The following GLRA1 variants were observed in gnomAD, a reference collection of about 807,000 sequenced individuals.
The protein encoded by GLRA1 is glycine receptor subunit alpha-1.
GLRA1 carries 37 observed loss-of-function variants against 48.3 expected under a neutral mutation model. That is an observed-to-expected ratio of 0.77 (90% confidence interval 0.59 to 1.01). The LOEUF is 1.01. Ranked by LOEUF, GLRA1 falls within the 50% of genes least tolerant of loss-of-function variation. The pLI, the probability that GLRA1 is intolerant of heterozygous loss-of-function variation, is 0.00. For synonymous variants in GLRA1, 196 were observed against 210.7 expected, an observed-to-expected ratio of 0.93 and a Z score of 0.60; for missense variants, 427 against 571.0, an observed-to-expected ratio of 0.75 and a Z score of 2.57.
Position 151,851,399 on chromosome 5 carries a change from A to C in GLRA1, c.903T>G (p.Ser301=), listed in dbSNP as rs761128346. 1 of 1,611,958 alleles carries C rather than the reference A, an allele frequency of 6.2e-7. No homozygotes were observed. Among genetic ancestry groups the C allele is most frequent in the South Asian group, 1.1e-5 (1 of 91,008 alleles). ...MTTQSSGSRA[S]LPKVSYVKAI... is the part of the protein sequence containing the mutation. Reference sequence around the variant, plus strand: ...GGGCAATGGGACTTACCTTGGGCAGAGATGCTCGAGAGCCGGAGCTCTGGG... The same window carrying C: ...GGGCAATGGGACTTACCTTGGGCAGCGATGCTCGAGAGCCGGAGCTCTGGG... Residue 301 remains serine, a synonymous_variant, in exon 7 of 9, where the codon TCT becomes TCG. Transcript: ENST00000274576.
At chr5:151,868,933 C>T (rs1753406554) in intron 3 of GLRA1, among the ~76,000 whole-genome samples, 1 of 152,116 alleles carries the variant, frequency 6.6e-6, no homozygotes, top group Non-Finnish European at 1.5e-5. Flanking sequence ...AGATATCACA[C>T]AATCAGAGCT....
intron 3 of GLRA1, among the ~76,000 whole-genome samples, chr5:151,879,971 C>T (rs1753722789): frequency 6.6e-6 from 1 of 152,124 alleles, no homozygotes; most frequent in Non-Finnish European, 1.5e-5. Flanking sequence ...GAGTAAGTCT[C>T]ACAAGATCTG....
At chr5:151,823,026 A>G in intron 8 of GLRA1, 63 bp from the exon 9 acceptor site, 1 of 1,436,894 alleles carries the variant, frequency 7.0e-7, no homozygotes, top group Non-Finnish European at 9.4e-7. Flanking sequence ...CCCTCCCTGC[A>G]AGGCACTCCC....
In GLRA1 at chr5:151,822,805, T is replaced by G; in HGVS notation, c.1218A>C (p.Lys406Asn). 1 of 1,613,526 alleles carries G rather than the reference T, an allele frequency of 6.2e-7. No homozygotes were observed. Among genetic ancestry groups the G allele is most frequent in the Non-Finnish European group, 8.5e-7 (1 of 1,179,848 alleles). ...APSKSPEEMR[K>N]LFIQRAKKID... ...TCTTCTTGGCCCTCTGGATGAAGAG[T>G]TTTCGCATCTCCTCTGGGGACTTAG... is the stretch of plus-strand genomic sequence containing the variant. Residue 406 changes from lysine to asparagine, a missense_variant, in exon 9 of 9, where the codon AAA (lysine) becomes AAC (asparagine). Coordinates refer to ENST00000274576, the MANE Select transcript of GLRA1 (RefSeq NM_000171.4).
intron 3 of GLRA1, among the ~76,000 whole-genome samples, chr5:151,862,219 G>A (rs1753225669): frequency 6.6e-6 from 1 of 152,120 alleles, no homozygotes; most frequent in Non-Finnish European, 1.5e-5. Context: ...GGGAAAACTG[G>A]CTAGCCATAT....
chr5:151,910,937 G>A (rs1754594343), intron 1 of GLRA1, among the ~76,000 whole-genome samples: 1 of 152,184 alleles, frequency 6.6e-6, no homozygotes, highest in Non-Finnish European at 1.5e-5. Context: ...GTTCCTCAAT[G>A]TATCTATCCC....
At chr5:151,870,064 CAT>C (rs1473407264) in intron 3 of GLRA1, among the ~76,000 whole-genome samples, 4 of 149,318 alleles carry the variant, frequency 2.7e-5, no homozygotes, top group Admixed American at 6.6e-5. Context: ...ATATTTTAAA[CAT>C]ATATTTAAAC....
chr5:151,875,334 A>G (rs2113385642), intron 3 of GLRA1, among the ~76,000 whole-genome samples: 1 of 152,140 alleles, frequency 6.6e-6, no homozygotes, highest in African/African-American at 2.4e-5. Context: ...CACCATGCCC[A>G]GCTGATATTT....
intron 3 of GLRA1, among the ~76,000 whole-genome samples, chr5:151,886,007 A>T (rs1753894846): frequency 6.6e-6 from 1 of 151,920 alleles, no homozygotes; most frequent in Admixed American, 6.6e-5. Flanking sequence ...TGCCCTGATT[A>T]TTTTTTTTCA....
intron 1 of GLRA1, among the ~76,000 whole-genome samples, chr5:151,897,832 T>A (rs535203606): frequency 1.3e-5 from 2 of 152,204 alleles, no homozygotes; most frequent in Admixed American, 6.5e-5. Context: ...GTTTGTGTGA[T>A]GTGAGTAGGT....
intron 7 of GLRA1, among the ~76,000 whole-genome samples, chr5:151,847,907 A>G (rs1018822554): frequency 3.3e-5 from 5 of 152,320 alleles, no homozygotes; most frequent in African/African-American, 1.2e-4. Context: ...TGTGTCTAGC[A>G]TAAGGGTGAA....
intron 8 of GLRA1, among the ~76,000 whole-genome samples, chr5:151,826,785 C>G (rs954625153): frequency 6.6e-6 from 1 of 152,162 alleles, no homozygotes; most frequent in African/African-American, 2.4e-5. Flanking sequence ...GCCCACCATA[C>G]TACATATCTT....
At chr5:151,872,226 A>G (rs1753502859) in intron 3 of GLRA1, among the ~76,000 whole-genome samples, 1 of 149,020 alleles carries the variant, frequency 6.7e-6, no homozygotes, top group Admixed American at 6.6e-5. Flanking sequence ...GTATAAAATT[A>G]AACTCCAAAT....
At chr5:151,872,248 A>T (rs145208583) in intron 3 of GLRA1, among the ~76,000 whole-genome samples, 1 of 149,386 alleles carries the variant, frequency 6.7e-6, no homozygotes, top group South Asian at 2.1e-4. Flanking sequence ...GATTTAGGAG[A>T]TGCATATAAA....
At chr5:151,862,495 G>C (rs1753232306) in intron 3 of GLRA1, among the ~76,000 whole-genome samples, 1 of 152,170 alleles carries the variant, frequency 6.6e-6, no homozygotes, top group Non-Finnish European at 1.5e-5. Context: ...GCAACCTACA[G>C]AATGGGAGAA....
rs75463357 is a variant in GLRA1 at position 151,828,939 on chromosome 5, C to T, written c.1041G>A (p.Arg347=). ...GGCCTACCTTGTGATGTCTCCGCTT[C>T]CTCCTGAATCGGAGCAGCTCCTTAT... The part of the protein sequence containing the change: ...RQHKELLRFR[R]KRRHHKEDEA... Residue 347 remains arginine (R), a synonymous_variant, in exon 8 of 9, where the codon AGG becomes AGA. Transcript: ENST00000274576. 32,546 of 1,613,964 alleles carry T rather than the reference C, an allele frequency of 0.02. 412 individuals carry two copies. The highest frequency in any genetic ancestry group is 0.024 in the Non-Finnish European group (28,154 of 1,179,860).
rs565493221 is a variant in GLRA1, at chr5:151,924,025, G to T, written c.56+469C>A. On this transcript the variant is annotated intron_variant, in intron 1 of 8. Transcript: ENST00000274576. ...AATGATCTGTGTCCAGCGAGTTTGA[G>T]TGCAACCTTCCCCGTCACCGCTAGT... Among the ~76,000 whole-genome samples the T allele has an allele frequency of 2.6e-5, 4 of 152,274 alleles. No individual in the cohort carries two copies. The South Asian group carries it at 8.3e-4, about 32-fold the overall frequency.
intron 1 of GLRA1, among the ~76,000 whole-genome samples, chr5:151,921,536 A>G (rs776439744): frequency 1.3e-5 from 2 of 152,240 alleles, no homozygotes; most frequent in South Asian, 2.1e-4. Flanking sequence ...AAGTGTCAAC[A>G]GCGCAGAGCT....
intron 7 of GLRA1, among the ~76,000 whole-genome samples, chr5:151,843,848 C>G (rs1752584662): frequency 6.6e-6 from 1 of 152,104 alleles, no homozygotes; most frequent in Non-Finnish European, 1.5e-5. Context: ...ACAAATGGTG[C>G]TGGGACAACT....
Sources: gnomAD v4.1 joint callset for allele counts (sites outside exome capture counted in the v4.1 genomes callset) on GRCh38, gnomAD v4.1.1 for gene constraint, MANE v1.5 for transcripts, NCBI Gene and HGNC (gene_info 2026-07-23, HGNC 2026-07-21) for gene names.